Variants in LRRC74A observed in about 807,000 individuals in gnomAD.
The protein encoded by LRRC74A is leucine-rich repeat-containing protein 74A.
In LRRC74A, 44 loss-of-function variants were observed where a neutral mutation model predicts 57.9. The ratio of observed to expected loss-of-function variants is 0.76; its 90% CI spans 0.60 to 0.98. The LOEUF is 0.98. Among genes scored for constraint, LRRC74A ranks in the 50% least tolerant of loss-of-function variants. The probability of loss-of-function intolerance (pLI) is 0.00; values close to 1 mark genes in which losing one functional copy is unlikely to be tolerated. For synonymous variants in LRRC74A, 211 were observed against 219.4 expected (o/e 0.96, Z 0.34); for missense variants, 572 against 574.0 (o/e 1.00, Z 0.04).
At position 76,850,277 on chromosome 14, in the gene LRRC74A, A is replaced by C. The variant is rs377631288; in HGVS notation, c.677-2088A>C. On this transcript the variant is annotated intron_variant, in intron 7 of 13. Transcript: ENST00000689127. ...CGTACAGATAAGGAAACAGATGTAA[A>C]GGAAGGATAAGTAACCTGCCTGGGA... Among the ~76,000 whole-genome samples the C allele has an allele frequency of 2.8e-4, 42 of 152,358 alleles. 3 individuals carry two copies. In the South Asian group the frequency reaches 6.6e-3, roughly 24 times the overall value.
chr14:76,866,002 A>T lies in LRRC74A; in HGVS notation c.1235A>T (p.Asp412Val), dbSNP rs1327622453. 1 of 1,602,810 alleles carries T rather than the reference A, an allele frequency of 6.2e-7. No homozygotes were observed. Among genetic ancestry groups the T allele is most frequent in the Non-Finnish European group, 8.5e-7 (1 of 1,171,320 alleles). Residue 412 changes from aspartate (D) to valine (V), a missense_variant, in exon 12 of 14, where the codon GAC becomes GTC. Physicochemically the swap from Asp to Val is radical, Grantham distance 152. Transcript: ENST00000689127. ...YADQHKITIV[D>V]FFKSLNPTGT... ...GACCAACACAAAATCACGATCGTGGACTTCTTCAAGAGCTTGAACCCCACT... is the reference window on the plus strand; with the variant it reads ...GACCAACACAAAATCACGATCGTGGTCTTCTTCAAGAGCTTGAACCCCACT...
In LRRC74A at chr14:76,833,242, C is replaced by T. The variant is rs529654856; in HGVS notation, c.339+1867C>T. On this transcript the variant is annotated intron_variant, in intron 3 of 13. Transcript: ENST00000689127. ...GATGAATGAGGAAGGCAATTCTGTG[C>T]GTCCATGTCTATTCAGTTATGAAAT... Among the ~76,000 whole-genome samples the T allele has an allele frequency of 2.8e-4, 43 of 152,132 alleles. No homozygotes were observed. The South Asian group carries it at 7.5e-3, about 26-fold the overall frequency.
chr14:76,853,896 G>T (rs1166640144), intron 9 of LRRC74A, among the ~76,000 whole-genome samples: 1 of 152,108 alleles, frequency 6.6e-6, no homozygotes, highest in Admixed American at 6.6e-5. Flanking sequence ...GGGATTACAG[G>T]CATGAGCCAC....
chr14:76,862,247 A>C (rs552610743), intron 11 of LRRC74A, among the ~76,000 whole-genome samples: 31 of 152,200 alleles, frequency 2.0e-4, no homozygotes, highest in Non-Finnish European at 4.3e-4. Context: ...AAAGTTTCAT[A>C]TGGCCAGGCA....
intron 5 of LRRC74A, 123 bp downstream of exon 5, chr14:76,838,094 C>T (rs1896495158): frequency 1.5e-6 from 1 of 650,870 alleles, no homozygotes; most frequent in East Asian, 2.8e-5. Flanking sequence ...GACCAGAATA[C>T]TGCATCTATG....
chr14:76,865,853 T>C (rs1001369969), intron 11 of LRRC74A, 115 bp from the exon 12 acceptor site: 2 of 819,364 alleles, frequency 2.4e-6, no homozygotes, highest in Admixed American at 2.1e-5. Context: ...CTTCTGCCCT[T>C]TTTAGCCTTG....
At chr14:76,844,731 A>T (rs774853672) in intron 6 of LRRC74A, 89 bp from the exon 7 acceptor site, 11 of 771,372 alleles carry the variant, frequency 1.4e-5, no homozygotes, top group Non-Finnish European at 2.2e-5. Flanking sequence ...GGTACATCAG[A>T]GCCCCACCAT....
chr14:76,827,359 C>T (rs1566711277), intron 1 of LRRC74A, among the ~76,000 whole-genome samples: 1 of 152,226 alleles, frequency 6.6e-6, no homozygotes, highest in Non-Finnish European at 1.5e-5. Flanking sequence ...ATCCTAGAAT[C>T]TGGGTGGTCA....
At chr14:76,853,508 G>A in intron 9 of LRRC74A, 98 bp downstream of exon 9, 1 of 1,097,282 alleles carries the variant, frequency 9.1e-7, no homozygotes, top group Non-Finnish European at 1.3e-6. Flanking sequence ...GTACTGGAGA[G>A]AATAATTGGG....
intron 2 of LRRC74A, 24 bp from the exon 3 acceptor site, chr14:76,831,179 A>G (rs778923393): frequency 1.4e-5 from 22 of 1,612,618 alleles, no homozygotes; most frequent in Non-Finnish European, 8.5e-7. Flanking sequence ...GAGAAATCCT[A>G]CTTCAGCCCA....
chr14:76,865,070 T>C (rs1368287728), intron 11 of LRRC74A, among the ~76,000 whole-genome samples: 4 of 152,242 alleles, frequency 2.6e-5, no homozygotes, highest in Non-Finnish European at 5.9e-5. Flanking sequence ...TGTGTGGTGG[T>C]ATTGGATTTA....
At chr14:76,865,910 C>A in intron 11 of LRRC74A, 58 bp from the exon 12 acceptor site, 19 of 1,307,350 alleles carry the variant, frequency 1.5e-5, no homozygotes, top group Non-Finnish European at 2.1e-5. Context: ...GGAAGGGGGA[C>A]CTGCGATCGT....
At chr14:76,856,588 A>C (rs112760943) in intron 9 of LRRC74A, among the ~76,000 whole-genome samples, 20 of 146,210 alleles carry the variant, frequency 1.4e-4, no homozygotes, top group South Asian at 8.5e-4. Context: ...GGCTGGCTGG[A>C]TGGATGGATG....
intron 9 of LRRC74A, among the ~76,000 whole-genome samples, chr14:76,856,570 A>G (rs1161989585): frequency 1.1e-5 from 1 of 94,004 alleles, no homozygotes; most frequent in Non-Finnish European, 2.4e-5. Flanking sequence ...TGAGATGAAC[A>G]GATTGCTGGC....
chr14:76,868,384 A>G (rs562459417), intron 13 of LRRC74A, among the ~76,000 whole-genome samples: 1 of 152,304 alleles, frequency 6.6e-6, no homozygotes, highest in Admixed American at 6.5e-5. Flanking sequence ...TGGGGTGATT[A>G]CTTGAGCTCA....
At chr14:76,865,166 G>A (rs1045944417) in intron 11 of LRRC74A, among the ~76,000 whole-genome samples, 4 of 152,180 alleles carry the variant, frequency 2.6e-5, no homozygotes. Flanking sequence ...AACAACACAG[G>A]TTTGAACTGT....
intron 7 of LRRC74A, among the ~76,000 whole-genome samples, chr14:76,847,465 C>T (rs1411119427): frequency 6.6e-6 from 1 of 151,998 alleles, no homozygotes; most frequent in Non-Finnish European, 1.5e-5. Flanking sequence ...CACCTGTTCT[C>T]ACTTATAAGT....
chr14:76,845,286 T>C (rs929636931), intron 7 of LRRC74A, among the ~76,000 whole-genome samples: 2 of 147,466 alleles, frequency 1.4e-5, no homozygotes, highest in Non-Finnish European at 1.5e-5. Flanking sequence ...ATTGTGCCAC[T>C]CCACTGCAGC....
chr14:76,867,394 G>A lies in LRRC74A; in HGVS notation c.1347G>A (p.Glu449=), dbSNP rs1281263174. Residue 449 remains glutamate (E), a synonymous_variant, in exon 13 of 14, where the codon GAG becomes GAA. Transcript: ENST00000689127. Reference sequence around the variant, plus strand: ...CCCTGAACCAGTACCAGGTCAGGGAGGTGATAAAGAAGCTCGATGAGAAGA... The same window carrying A: ...CCCTGAACCAGTACCAGGTCAGGGAAGTGATAAAGAAGCTCGATGAGAAGA... ...KVPLNQYQVR[E]VIKKLDEKTG... 3 of 1,602,328 alleles carry A rather than the reference G, an allele frequency of 1.9e-6. No homozygotes were observed. The highest frequency in any genetic ancestry group is 1.7e-5 in the Admixed American group (1 of 59,884).
Sources: gnomAD v4.1 joint callset for allele counts (sites outside exome capture counted in the v4.1 genomes callset) on GRCh38, gnomAD v4.1.1 for gene constraint, MANE v1.5 for transcripts, NCBI Gene and HGNC (gene_info 2026-07-23, HGNC 2026-07-21) for gene names.